SPAG16: variants seen among roughly 807,000 people sequenced by gnomAD.
SPAG16 encodes the protein sperm associated antigen 16.
A neutral mutation model predicts 80.4 loss-of-function variants in SPAG16; 86 were observed. The ratio of observed to expected loss-of-function variants is 1.07; its 90% confidence interval spans 0.90 to 1.28. The LOEUF is 1.28. SPAG16 is among the 50% of genes most tolerant of loss of function. The probability of loss-of-function intolerance (pLI) is 0.00; values close to 1 mark genes in which losing one functional copy is unlikely to be tolerated. For synonymous variants in SPAG16, 294 were observed against 265.9 expected (o/e 1.11, Z -1.03); for missense variants, 870 against 765.3 (o/e 1.14, Z -1.61).
At chr2:213,626,227 A>T (rs751762367) in intron 10 of SPAG16, among the ~76,000 whole-genome samples, 19 of 152,268 alleles carry the variant, frequency 1.2e-4, no homozygotes, top group Middle Eastern at 6.8e-3. Flanking sequence ...CATGATAAGG[A>T]ATCATATTAG....
chr2:213,460,591 G>T (rs977782651), intron 9 of SPAG16, among the ~76,000 whole-genome samples: 5 of 152,088 alleles, frequency 3.3e-5, no homozygotes, highest in Non-Finnish European at 7.4e-5. Context: ...TTTAAACAAG[G>T]TTATCTTGAA....
chr2:214,272,227 T>G (rs893657717), intron 15 of SPAG16, among the ~76,000 whole-genome samples: 5 of 152,190 alleles, frequency 3.3e-5, no homozygotes, highest in Non-Finnish European at 7.3e-5. Flanking sequence ...TTATTATATT[T>G]TGCTATCATC....
chr2:213,701,630 G>T (rs2065426813), intron 10 of SPAG16, among the ~76,000 whole-genome samples: 1 of 152,202 alleles, frequency 6.6e-6, no homozygotes, highest in African/African-American at 2.4e-5. Flanking sequence ...CGCGGGACTG[G>T]TAGGCAGCTC....
At chr2:213,857,010 A>C (rs187412478) in intron 10 of SPAG16, among the ~76,000 whole-genome samples, 211 of 152,282 alleles carry the variant, frequency 1.4e-3, no homozygotes, top group African/African-American at 5.0e-3. Flanking sequence ...AGGATGGGTC[A>C]CCTAAAGTCA....
chr2:213,460,423 G>A (rs72940908), intron 9 of SPAG16, among the ~76,000 whole-genome samples: 1 of 152,106 alleles, frequency 6.6e-6, no homozygotes, highest in African/African-American at 2.4e-5. Flanking sequence ...CTTTCTAGTT[G>A]TTTCCCTCTG....
intron 15 of SPAG16, among the ~76,000 whole-genome samples, chr2:214,199,385 T>G (rs1418245917): frequency 6.6e-6 from 1 of 152,138 alleles, no homozygotes; most frequent in African/African-American, 2.4e-5. Context: ...TGTGTTTTTG[T>G]TTGCTTTGTC....
At chr2:213,869,605 A>G (rs1318272402) in intron 11 of SPAG16, among the ~76,000 whole-genome samples, 1 of 150,960 alleles carries the variant, frequency 6.6e-6, no homozygotes, top group East Asian at 1.9e-4. Flanking sequence ...CTTTATGTGA[A>G]AGGGCTAAGC....
At chr2:214,332,335 A>G (rs1696980074) in intron 15 of SPAG16, among the ~76,000 whole-genome samples, 1 of 152,152 alleles carries the variant, frequency 6.6e-6, no homozygotes, top group Non-Finnish European at 1.5e-5. Context: ...CAGTGACCCA[A>G]CGTTGGTTTC....
chr2:214,236,734 C>A (rs1559146978), intron 15 of SPAG16, among the ~76,000 whole-genome samples: 1 of 152,008 alleles, frequency 6.6e-6, no homozygotes, highest in Non-Finnish European at 1.5e-5. Context: ...AATAAGGTAG[C>A]AATCATATAT....
At chr2:213,704,327 A>G (rs2065641443) in intron 10 of SPAG16, among the ~76,000 whole-genome samples, 1 of 152,206 alleles carries the variant, frequency 6.6e-6, no homozygotes, top group Non-Finnish European at 1.5e-5. Context: ...ACTTTATGTC[A>G]GGCTTTACAG....
At chr2:213,992,810 TAAAAC>T (rs1228888631) in intron 12 of SPAG16, among the ~76,000 whole-genome samples, 2 of 152,178 alleles carry the variant, frequency 1.3e-5, no homozygotes, top group East Asian at 1.9e-4. Context: ...ATACAGATGA[TAAAAC>T]AAAGTCATAT....
intron 10 of SPAG16, among the ~76,000 whole-genome samples, chr2:213,777,264 T>TTG (rs2069653907): frequency 2.9e-5 from 4 of 138,640 alleles, no homozygotes; most frequent in African/African-American, 1.0e-4. Flanking sequence ...TTTTTTTTTT[T>TTG]GAGACGTAGT....
At chr2:213,635,325 A>T (rs933456564) in intron 10 of SPAG16, among the ~76,000 whole-genome samples, 4 of 152,080 alleles carry the variant, frequency 2.6e-5, no homozygotes, top group African/African-American at 9.7e-5. Flanking sequence ...GTGAGCCACC[A>T]TGCCCAGCCC....
intron 14 of SPAG16, among the ~76,000 whole-genome samples, chr2:214,148,872 A>C (rs2055803212): frequency 6.6e-6 from 1 of 151,808 alleles, no homozygotes; most frequent in Non-Finnish European, 1.5e-5. Context: ...TAACTCCAAA[A>C]ATTTAGTGTA....
At chr2:214,141,495 A>AT (rs1226390574) in intron 14 of SPAG16, among the ~76,000 whole-genome samples, 3 of 151,552 alleles carry the variant, frequency 2.0e-5, no homozygotes, top group African/African-American at 4.8e-5. Flanking sequence ...AAAATTACTG[A>AT]TTTTTTAAAT....
At chr2:213,674,014 G>C (rs889152367) in intron 10 of SPAG16, among the ~76,000 whole-genome samples, 2 of 151,866 alleles carry the variant, frequency 1.3e-5, no homozygotes, top group African/African-American at 2.4e-5. Context: ...TCATTATTTT[G>C]GTGCTGTTTA....
intron 10 of SPAG16, among the ~76,000 whole-genome samples, chr2:213,654,226 A>T (rs1353256824): frequency 6.6e-6 from 1 of 152,158 alleles, no homozygotes; most frequent in Non-Finnish European, 1.5e-5. Flanking sequence ...CACAACTGAA[A>T]CTCAGTATGT....
In SPAG16 at chr2:213,981,812, A is replaced by C. The variant is rs185787360; in HGVS notation, c.1401-32139A>C. Among the ~76,000 whole-genome samples the C allele has an allele frequency of 1.5e-3, 228 of 151,814 alleles. 1 individual carries two copies. The highest frequency in any genetic ancestry group is 5.4e-3 in the African/African-American group (224 of 41,214). ...ATTCCCCTTCTAGACATACATACAC[A>C]CATGCTTATATATAATAATCAAATG... On this transcript the variant is annotated intron_variant, in intron 12 of 15. Transcript: ENST00000331683.
chr2:213,978,940 C>A (rs1056972209), intron 12 of SPAG16, among the ~76,000 whole-genome samples: 1 of 151,820 alleles, frequency 6.6e-6, no homozygotes, highest in Non-Finnish European at 1.5e-5. Flanking sequence ...GCTAGGGGAG[C>A]TGGCTTTCCT....
Sources: gnomAD v4.1 joint callset for allele counts (sites outside exome capture counted in the v4.1 genomes callset) on GRCh38, gnomAD v4.1.1 for gene constraint, MANE v1.5 for transcripts, NCBI Gene and HGNC (gene_info 2026-07-23, HGNC 2026-07-21) for gene names.